Variants in ITPR2 observed in about 807,000 individuals in gnomAD.
ITPR2 encodes inositol 1,4,5-trisphosphate-gated calcium channel ITPR2.
In ITPR2, 207 loss-of-function variants were observed where a neutral mutation model predicts 317.1. That is an observed-to-expected ratio of 0.65 (90% CI 0.58 to 0.73). The LOEUF (loss-of-function observed/expected upper bound fraction) is 0.73. Ranked by LOEUF, ITPR2 falls within the 30% of genes least tolerant of loss-of-function variation. The probability of loss-of-function intolerance (pLI) is 0.00; values close to 1 mark genes in which losing one functional copy is unlikely to be tolerated. For missense variants in ITPR2, 2,613 were observed against 3,284.0 expected (o/e 0.80, Z 4.99); for synonymous variants, 1,156 against 1,149.1 (o/e 1.01, Z -0.12).
At chr12:26,663,424 G>A (rs1184968668) in intron 15 of ITPR2, among the ~76,000 whole-genome samples, 1 of 152,048 alleles carries the variant, frequency 6.6e-6, no homozygotes, top group Non-Finnish European at 1.5e-5. Context: ...GGATGTCCTG[G>A]CCACCAGGAA....
chr12:26,413,094 A>C (rs987384751), intron 51 of ITPR2, among the ~76,000 whole-genome samples: 4 of 152,144 alleles, frequency 2.6e-5, no homozygotes, highest in Non-Finnish European at 5.9e-5. Context: ...GGGTGAGAGA[A>C]ACTGTCACCT....
At chr12:26,590,849 G>A (rs1945681275) in intron 32 of ITPR2, among the ~76,000 whole-genome samples, 1 of 152,084 alleles carries the variant, frequency 6.6e-6, no homozygotes, top group Non-Finnish European at 1.5e-5. Flanking sequence ...TGAGGCTGAG[G>A]TGGGCAGATC....
chr12:26,677,985 AG>A (rs1479637568), intron 13 of ITPR2, among the ~76,000 whole-genome samples: 1 of 152,154 alleles, frequency 6.6e-6, no homozygotes. Flanking sequence ...AGTTTCACAG[AG>A]ACATGGGATA....
At chr12:26,368,218 A>G (rs1214984125) in intron 55 of ITPR2, among the ~76,000 whole-genome samples, 1 of 152,218 alleles carries the variant, frequency 6.6e-6, no homozygotes, top group African/African-American at 2.4e-5. Flanking sequence ...ATCAGCACTC[A>G]AAGAGTCTTT....
intron 53 of ITPR2, among the ~76,000 whole-genome samples, chr12:26,399,687 C>T (rs921691909): frequency 1.3e-5 from 2 of 152,148 alleles, no homozygotes; most frequent in African/African-American, 4.8e-5. Flanking sequence ...TTCCACTTTG[C>T]CATTTTAATA....
At chr12:26,709,360 AC>A (rs1349804098) in intron 9 of ITPR2, among the ~76,000 whole-genome samples, 1 of 152,234 alleles carries the variant, frequency 6.6e-6, no homozygotes, top group African/African-American at 2.4e-5. Flanking sequence ...CTCTAAATAC[AC>A]CAGACTCTTT....
intron 55 of ITPR2, among the ~76,000 whole-genome samples, chr12:26,341,283 A>G (rs1469996896): frequency 6.6e-6 from 1 of 152,080 alleles, no homozygotes; most frequent in Non-Finnish European, 1.5e-5. Flanking sequence ...CTACTCACCT[A>G]TTTCTCTAAA....
At chr12:26,365,306 G>C (rs1191159941) in intron 55 of ITPR2, among the ~76,000 whole-genome samples, 1 of 152,186 alleles carries the variant, frequency 6.6e-6, no homozygotes, top group African/African-American at 2.4e-5. Flanking sequence ...TTTAACGTAA[G>C]AGTAGGGCAT....
At chr12:26,739,224 C>T (rs1949187146) in intron 2 of ITPR2, among the ~76,000 whole-genome samples, 1 of 152,116 alleles carries the variant, frequency 6.6e-6, no homozygotes, top group Non-Finnish European at 1.5e-5. Context: ...CAAATGGTTC[C>T]CTACTTTGGA....
At chr12:26,802,907 A>T (rs1950583817) in intron 1 of ITPR2, among the ~76,000 whole-genome samples, 1 of 152,184 alleles carries the variant, frequency 6.6e-6, no homozygotes, top group East Asian at 1.9e-4. Context: ...TAAGGATATA[A>T]GTTTTGAAAC....
chr12:26,439,004 T>G (rs1941425068), intron 47 of ITPR2, 123 bp downstream of exon 47: 3 of 640,356 alleles, frequency 4.7e-6, no homozygotes, highest in African/African-American at 1.9e-5. Flanking sequence ...GCAAGTGATT[T>G]CAGTAATATC....
chr12:26,599,419 C>A, intron 29 of ITPR2, 74 bp from the exon 30 acceptor site: 1 of 1,298,352 alleles, frequency 7.7e-7, no homozygotes. Flanking sequence ...AGACTAATTG[C>A]CCTGCTTGTG....
At chr12:26,781,992 GTATATATATATATATATATATATATA>G in intron 2 of ITPR2, among the ~76,000 whole-genome samples, 1 of 57,010 alleles carries the variant, frequency 1.8e-5, no homozygotes, top group South Asian at 7.5e-4. Context: ...AAACTCCCCT[GTATATATATATATATATATATATATA>G]TATATATATA....
chr12:26,340,894 A>G (rs968796064), intron 55 of ITPR2, among the ~76,000 whole-genome samples: 1 of 152,072 alleles, frequency 6.6e-6, no homozygotes, highest in Admixed American at 6.5e-5. Flanking sequence ...CTCCCTTTGG[A>G]AAGATTTTAT....
intron 10 of ITPR2, among the ~76,000 whole-genome samples, chr12:26,687,366 T>C (rs1948146934): frequency 6.6e-6 from 1 of 152,124 alleles, no homozygotes; most frequent in South Asian, 2.1e-4. Context: ...TGGTAGTTAG[T>C]AGATAAAAAT....
Position 26,506,520 on chromosome 12 carries a change from CAAAAAAA to C in ITPR2, c.5074-11267_5074-11261del, listed in dbSNP as rs11362827. 2.3e-3 allele frequency among the ~76,000 whole-genome samples: 204 copies of C among 87,496 alleles called. 2 individuals carry two copies. In the East Asian group the frequency reaches 0.064, roughly 27 times the overall value. 57.4% of individuals were successfully genotyped at this position (87,496 alleles called of 152,430 possible). A position where few individuals can be genotyped will look rare whatever the true frequency, so the allele number is the denominator to read the frequency against. On this transcript the variant is annotated intron_variant, in intron 37 of 56. Coordinates refer to ENST00000381340, the MANE Select transcript of ITPR2 (RefSeq NM_002223.4). ...CAGCCTGGGAGTAGGAATCCTGTCTCAAAAAAAAAAAAAAAAAAAAAAAATTAGCACA... is the reference window on the plus strand; with the variant it reads ...CAGCCTGGGAGTAGGAATCCTGTCTCAAAAAAAAAAAAAAAAATTAGCACA...
chr12:26,363,618 C>T (rs946694492), intron 55 of ITPR2, among the ~76,000 whole-genome samples: 13 of 152,270 alleles, frequency 8.5e-5, no homozygotes, highest in African/African-American at 3.1e-4. Context: ...TCACAATGCA[C>T]TGATACCATT....
intron 55 of ITPR2, among the ~76,000 whole-genome samples, chr12:26,371,538 T>C (rs1175333023): frequency 1.3e-5 from 2 of 152,200 alleles, no homozygotes; most frequent in African/African-American, 4.8e-5. Flanking sequence ...GACGAAGTGC[T>C]CTTATAGAGG....
intron 2 of ITPR2, among the ~76,000 whole-genome samples, chr12:26,785,671 G>A (rs1391601787): frequency 6.3e-5 from 2 of 31,842 alleles, no homozygotes; most frequent in Non-Finnish European, 7.5e-5. Context: ...TCAGCCCCCC[G>A]CCCGGCCAGC....
Sources: allele counts gnomAD v4.1 joint callset (sites outside exome capture counted in the v4.1 genomes callset), GRCh38; gene constraint gnomAD v4.1.1; transcripts MANE v1.5; gene names NCBI Gene and HGNC (gene_info 2026-07-23, HGNC 2026-07-21).